Variants in CHRNB1 observed in about 807,000 individuals in gnomAD.
CHRNB1 encodes cholinergic receptor nicotinic beta 1 subunit, also known as acetylcholine receptor subunit beta.
In CHRNB1, 47 loss-of-function variants were observed where a neutral mutation model predicts 53.8. The observed-to-expected ratio is 0.87, with a 90% confidence interval of 0.69 to 1.11. CHRNB1 has a LOEUF of 1.11. CHRNB1 is among the 50% of genes most tolerant of loss of function. The pLI is 0.00. For synonymous variants in CHRNB1, 259 were observed against 263.5 expected (o/e 0.98, Z 0.16); for missense variants, 605 against 654.9 (o/e 0.92, Z 0.83).
rs1908591087 is a variant in CHRNB1 at position 7,445,980 on chromosome 17, G to T, written c.199-89G>T. 6.9e-6 allele frequency: 8 copies of T among 1,160,730 alleles called. No individual in the cohort carries two copies. Among genetic ancestry groups the T allele is most frequent in the Non-Finnish European group, 6.5e-6 (5 of 768,856 alleles). The allele number at this position is 1,160,730 out of a possible 1,614,324, so 71.9% of individuals were successfully genotyped here. Reference sequence around the variant, plus strand: ...AGGATGGGGCTCAGAAAAAGGGGGCGGCGTTCCCAGGAGAGAGGTTGGCCC... The same window carrying T: ...AGGATGGGGCTCAGAAAAAGGGGGCTGCGTTCCCAGGAGAGAGGTTGGCCC... On this transcript the variant is annotated intron_variant, in intron 2 of 10. Transcript: ENST00000306071. The surrounding 1 kb of genome is among the most constrained non-coding windows in gnomAD (Gnocchi z 5.7).
intron 3 of CHRNB1, 146 bp from the exon 4 acceptor site, chr17:7,446,687 C>T: frequency 1.5e-6 from 1 of 647,996 alleles, no homozygotes; most frequent in Non-Finnish European, 2.8e-6. Flanking sequence ...GAAGGCGGAG[C>T]CAGAGCCAGA....
chr17:7,447,287 C>A, intron 5 of CHRNB1, 136 bp downstream of exon 5: 1 of 935,724 alleles, frequency 1.1e-6, no homozygotes, highest in Non-Finnish European at 1.7e-6. Flanking sequence ...CCTCGTCTAC[C>A]CTCCTGGTTT....
At chr17:7,449,773 G>A (rs771422695) in intron 7 of CHRNB1, among the ~76,000 whole-genome samples, 11 of 151,770 alleles carry the variant, frequency 7.2e-5, no homozygotes, top group Admixed American at 5.9e-4. Context: ...CACCGGGCGC[G>A]GTGGCTCACG....
chr17:7,456,219 A>G (rs1159052299), intron 10 of CHRNB1, among the ~76,000 whole-genome samples: 1 of 151,362 alleles, frequency 6.6e-6, no homozygotes, highest in South Asian at 2.1e-4. Flanking sequence ...ACGCCTGGCT[A>G]ATTTTTGTAT....
At chr17:7,453,669 C>G (rs1908968491) in intron 7 of CHRNB1, among the ~76,000 whole-genome samples, 1 of 150,082 alleles carries the variant, frequency 6.7e-6, no homozygotes, top group Admixed American at 6.7e-5. Context: ...CTCACTGCAG[C>G]CTCCATCTTC....
intron 2 of CHRNB1, 31 bp from the exon 3 acceptor site, chr17:7,446,038 C>T (rs1322253214): frequency 2.5e-6 from 4 of 1,610,686 alleles, no homozygotes; most frequent in Non-Finnish European, 2.5e-6. Flanking sequence ...CACCCTACTT[C>T]ACCTTTACGC....
intron 3 of CHRNB1, 177 bp from the exon 4 acceptor site, chr17:7,446,656 C>T: frequency 1.6e-6 from 1 of 610,804 alleles, no homozygotes; most frequent in East Asian, 2.7e-5. Flanking sequence ...GGGAAATTAG[C>T]TGATGTGGAT....
At chr17:7,449,161 T>A (rs547581310) in intron 7 of CHRNB1, among the ~76,000 whole-genome samples, 1 of 149,604 alleles carries the variant, frequency 6.7e-6, no homozygotes, top group South Asian at 2.1e-4. Context: ...TGGAGTGCAG[T>A]GGTGCAATCT....
chr17:7,455,188 G>A, intron 8 of CHRNB1, 96 bp from the exon 9 acceptor site: 2 of 1,352,760 alleles, frequency 1.5e-6, no homozygotes, highest in South Asian at 1.2e-5. Context: ...ACATACTCAC[G>A]CGCGGGAATG....
In CHRNB1 at chr17:7,447,500, C is replaced by T; in HGVS notation, c.463-3C>T. The T allele has an allele frequency of 1.2e-6, 2 of 1,614,186 alleles. No individual in the cohort carries two copies. The highest frequency in any genetic ancestry group is 2.2e-5 in the East Asian group (1 of 44,890). On this transcript the variant is annotated splice_region_variant and splice_polypyrimidine_tract_variant and intron_variant, in intron 5 of 10. Coordinates refer to ENST00000306071, the MANE Select transcript of CHRNB1 (RefSeq NM_000747.3). The stretch of plus-strand genomic sequence containing the variant: ...AGCTCTAGTGACTCTCTCCTCCATC[C>T]AGGTCACCTACTTCCCCTTCGACTG...
At chr17:7,454,628 ATGT>A in intron 8 of CHRNB1, 108 bp downstream of exon 8, 2 of 881,864 alleles carry the variant, frequency 2.3e-6, no homozygotes, top group Non-Finnish European at 3.8e-6. Flanking sequence ...GAGTGTTGAA[ATGT>A]TGCACAGTTA....
intron 3 of CHRNB1, 152 bp from the exon 4 acceptor site, chr17:7,446,681 G>A: frequency 1.6e-6 from 1 of 638,474 alleles, no homozygotes; most frequent in South Asian, 1.8e-5. Flanking sequence ...GCGAGTGAAG[G>A]CGGAGCCAGA....
In CHRNB1 at chr17:7,456,762, A is replaced by G; in HGVS notation, c.*39A>G. On this transcript the variant is annotated 3_prime_UTR_variant, in exon 11 of 11. Coordinates refer to ENST00000306071, the MANE Select transcript of CHRNB1 (RefSeq NM_000747.3). The stretch of plus-strand genomic sequence containing the variant: ...GAGACCCAGGCCCCCTGCCAGTTGA[A>G]GTGAGAGTTTGGTGATACTGTCAAG... 6.2e-7 allele frequency: 1 copy of G among 1,613,820 alleles called. No homozygotes were observed. Among genetic ancestry groups the G allele is most frequent in the Non-Finnish European group, 8.5e-7 (1 of 1,179,824 alleles).
chr17:7,454,563 G>T (rs779086505), intron 8 of CHRNB1, 43 bp downstream of exon 8: 4 of 1,490,762 alleles, frequency 2.7e-6, no homozygotes, highest in Admixed American at 1.7e-5. Flanking sequence ...TCCTTTTACA[G>T]ACCATAGGGA....
chr17:7,448,557 C>T, intron 6 of CHRNB1, 22 bp from the exon 7 acceptor site: 1 of 1,612,666 alleles, frequency 6.2e-7, no homozygotes, highest in Non-Finnish European at 8.5e-7. Context: ...ATCTGTGTTC[C>T]CCTCCTTCTG....
At chr17:7,456,439 C>T in intron 10 of CHRNB1, 144 bp from the exon 11 acceptor site, 3 of 973,962 alleles carry the variant, frequency 3.1e-6, no homozygotes, top group Non-Finnish European at 4.9e-6. Context: ...GCATTGCCTG[C>T]AGTCTCGCTC....
intron 7 of CHRNB1, among the ~76,000 whole-genome samples, chr17:7,450,184 C>T (rs1342491064): frequency 6.7e-6 from 1 of 149,184 alleles, no homozygotes; most frequent in African/African-American, 2.5e-5. Context: ...TGCCCCGTTG[C>T]CCAGGCTGGA....
rs921584841 is a variant in CHRNB1, at chr17:7,445,200, C to G, written c.58+15C>G. ...GCTCGCCCCAGGTAAGTGTAGGCCC[C>G]GAAGGGGCAGTGACGGGGCCAGCGG... On this transcript the variant is annotated intron_variant, in intron 1 of 10. Coordinates refer to ENST00000306071, the MANE Select transcript of CHRNB1 (RefSeq NM_000747.3). The surrounding 1 kb of genome is among the most constrained non-coding windows in gnomAD (Gnocchi z 5.7). 3.1e-6 allele frequency: 5 copies of G among 1,610,924 alleles called. No individual in the cohort carries two copies. The highest frequency in any genetic ancestry group is 4.2e-6 in the Non-Finnish European group (5 of 1,179,466).
chr17:7,448,863 G>T (rs1178956065), intron 7 of CHRNB1, 75 bp downstream of exon 7: 414 of 1,483,162 alleles, frequency 2.8e-4, no homozygotes, highest in Admixed American at 1.8e-3. Flanking sequence ...TCCAGGCAGG[G>T]TTTTCCTGCC....
Sources: gnomAD v4.1 joint callset for allele counts (sites outside exome capture counted in the v4.1 genomes callset) on GRCh38, gnomAD v4.1.1 for gene constraint, Gnocchi (gnomAD v3.1) non-coding constraint, MANE v1.5 for transcripts, NCBI Gene and HGNC (gene_info 2026-07-23, HGNC 2026-07-21) for gene names.